PRKD1: variants seen among roughly 807,000 people sequenced by gnomAD.
The protein encoded by PRKD1 is protein kinase D1.
PRKD1 carries 63 observed loss-of-function variants against 95.9 expected under a neutral mutation model. The observed-to-expected ratio is 0.66, with a 90% CI of 0.54 to 0.81. The LOEUF (loss-of-function observed/expected upper bound fraction) is 0.81. PRKD1 is among the 30% of genes least tolerant of loss of function. PRKD1 has a pLI of 0.00. For missense variants in PRKD1, 1,048 were observed against 1,165.3 expected (o/e 0.90, Z 1.47); for synonymous variants, 425 against 423.1 (o/e 1.00, Z -0.05).
At chr14:29,696,380 T>C (rs957410233) in intron 2 of PRKD1, among the ~76,000 whole-genome samples, 2 of 152,226 alleles carry the variant, frequency 1.3e-5, no homozygotes, top group Admixed American at 1.3e-4. Flanking sequence ...CAGTTGTTTA[T>C]AAGATACGAA....
intron 1 of PRKD1, among the ~76,000 whole-genome samples, chr14:29,778,876 C>G (rs1888900525): frequency 6.6e-6 from 1 of 152,130 alleles, no homozygotes; most frequent in Non-Finnish European, 1.5e-5. Context: ...ATCACCGATG[C>G]AAAAATCCTC....
intron 2 of PRKD1, among the ~76,000 whole-genome samples, chr14:29,677,575 G>T (rs1883304092): frequency 1.3e-5 from 2 of 152,052 alleles, no homozygotes; most frequent in East Asian, 1.9e-4. Flanking sequence ...CCTGTTTTTT[G>T]TTGTTGTTTG....
chr14:29,865,918 G>A (rs1238032754), intron 1 of PRKD1, among the ~76,000 whole-genome samples: 11 of 151,748 alleles, frequency 7.2e-5, no homozygotes, highest in South Asian at 2.1e-4. Flanking sequence ...CATACATCTG[G>A]GATACAATAA....
At chr14:29,890,519 A>G (rs1285057696) in intron 1 of PRKD1, among the ~76,000 whole-genome samples, 5 of 152,236 alleles carry the variant, frequency 3.3e-5, no homozygotes, top group African/African-American at 1.2e-4. Context: ...ATAGATAGAT[A>G]CATAGATAGA....
At chr14:29,581,185 G>A (rs2138951839) in intron 16 of PRKD1, among the ~76,000 whole-genome samples, 1 of 152,060 alleles carries the variant, frequency 6.6e-6, no homozygotes, top group African/African-American at 2.4e-5. Flanking sequence ...CACCTCTATA[G>A]TTCCTTCAGA....
At chr14:29,816,010 G>A (rs1180623691) in intron 1 of PRKD1, among the ~76,000 whole-genome samples, 1 of 152,128 alleles carries the variant, frequency 6.6e-6, no homozygotes, top group Admixed American at 6.5e-5. Flanking sequence ...ACAAAGTCAG[G>A]AGATCGAGAC....
In PRKD1 at chr14:29,576,992, A is replaced by T. The variant is rs1342731391; in HGVS notation, c.*246T>A. On this transcript the variant is annotated 3_prime_UTR_variant, in exon 18 of 18. Coordinates refer to ENST00000331968, the MANE Select transcript of PRKD1 (RefSeq NM_002742.3). ...GGTTTAATGCATTAAATATAACATG[A>T]ATCATTCACAATAACAAGTTTCGTG... 1 of 538,268 alleles carries T rather than the reference A, an allele frequency of 1.9e-6. No individual in the cohort carries two copies. The highest frequency in any genetic ancestry group is 3.1e-5 in the Admixed American group (1 of 31,990). 33.3% of individuals were successfully genotyped at this position (538,268 alleles called of 1,614,324 possible). A position where few individuals can be genotyped will look rare whatever the true frequency, so the allele number is the denominator to read the frequency against.
chr14:29,600,137 A>G (rs1325565905), intron 13 of PRKD1, among the ~76,000 whole-genome samples: 1 of 152,196 alleles, frequency 6.6e-6, no homozygotes, highest in Non-Finnish European at 1.5e-5. Context: ...CATCCCCAAT[A>G]TTAAACATAT....
chr14:29,912,809 C>A (rs961217310), intron 1 of PRKD1, among the ~76,000 whole-genome samples: 1 of 152,224 alleles, frequency 6.6e-6, no homozygotes, highest in African/African-American at 2.4e-5. Flanking sequence ...CACCCTTCTG[C>A]ATCTAAGTCC....
intron 13 of PRKD1, among the ~76,000 whole-genome samples, chr14:29,609,929 T>C (rs1336743918): frequency 1.3e-5 from 2 of 152,108 alleles, no homozygotes; most frequent in Non-Finnish European, 2.9e-5. Context: ...ATTCTAGAAA[T>C]GATTCAATCT....
chr14:29,810,359 A>G (rs1890430328), intron 1 of PRKD1, among the ~76,000 whole-genome samples: 1 of 152,208 alleles, frequency 6.6e-6, no homozygotes, highest in Non-Finnish European at 1.5e-5. Flanking sequence ...ACAGCAATAT[A>G]AAGACGTGTG....
chr14:29,669,483 A>G (rs998922967), intron 2 of PRKD1, among the ~76,000 whole-genome samples: 14 of 152,182 alleles, frequency 9.2e-5, no homozygotes, highest in Non-Finnish European at 1.3e-4. Flanking sequence ...TAGAATATTG[A>G]AAATAGTTTC....
intron 1 of PRKD1, among the ~76,000 whole-genome samples, chr14:29,909,322 G>A (rs76123363): frequency 0.035 from 1,330 of 37,586 alleles, 11 homozygotes; most frequent in Non-Finnish European, 0.041. Context: ...TGCACAGCCC[G>A]AGCCTCCCCA....
chr14:29,915,402 G>A (rs566034428), intron 1 of PRKD1, among the ~76,000 whole-genome samples: 3 of 152,104 alleles, frequency 2.0e-5, no homozygotes, highest in Non-Finnish European at 2.9e-5. Context: ...ACAATTAGAC[G>A]TACTATAGAT....
At chr14:29,731,189 T>TTC (rs1407125607) in intron 1 of PRKD1, among the ~76,000 whole-genome samples, 1 of 152,160 alleles carries the variant, frequency 6.6e-6, no homozygotes, top group African/African-American at 2.4e-5. Context: ...CCTTGTGAAT[T>TTC]TCTCTTTAAC....
chr14:29,644,214 A>G (rs1032881104), intron 4 of PRKD1, among the ~76,000 whole-genome samples: 2 of 152,196 alleles, frequency 1.3e-5, no homozygotes, highest in Non-Finnish European at 2.9e-5. Context: ...GCTTTACAGG[A>G]TTTCAGTTTT....
At chr14:29,644,288 C>G (rs919337520) in intron 4 of PRKD1, among the ~76,000 whole-genome samples, 1 of 152,182 alleles carries the variant, frequency 6.6e-6, no homozygotes, top group African/African-American at 2.4e-5. Flanking sequence ...TCTGCCTGCT[C>G]CTTGCCCCTA....
chr14:29,763,270 C>T (rs1169575067), intron 1 of PRKD1, among the ~76,000 whole-genome samples: 1 of 148,654 alleles, frequency 6.7e-6, no homozygotes, highest in Non-Finnish European at 1.5e-5. Flanking sequence ...GCACTCCAAC[C>T]TGGGTGACAG....
chr14:29,596,125 C>T (rs1395251875), intron 16 of PRKD1, among the ~76,000 whole-genome samples: 1 of 152,172 alleles, frequency 6.6e-6, no homozygotes, highest in Non-Finnish European at 1.5e-5. Context: ...AAGGTTGTTG[C>T]TAATGGTAAC....
Sources: gnomAD v4.1 joint callset for allele counts (sites outside exome capture counted in the v4.1 genomes callset) on GRCh38, gnomAD v4.1.1 for gene constraint, MANE v1.5 for transcripts, NCBI Gene and HGNC (gene_info 2026-07-23, HGNC 2026-07-21) for gene names.